The following NRXN3 variants were observed in gnomAD, a reference collection of about 807,000 sequenced individuals.
NRXN3 encodes neurexin III.
Under a neutral mutation model 137.6 loss-of-function variants are expected in NRXN3, and 32 were observed. The observed-to-expected ratio is 0.23, with a 90% CI of 0.18 to 0.31. The LOEUF is 0.31. Ranked by LOEUF, NRXN3 falls within the 10% of genes least tolerant of loss-of-function variation. The pLI is 1.00. For synonymous variants in NRXN3, 798 were observed against 784.5 expected (o/e 1.02, Z -0.29); for missense variants, 1,574 against 2,062.5 (o/e 0.76, Z 4.59).
intron 16 of NRXN3, among the ~76,000 whole-genome samples, chr14:79,602,823 T>A (rs927517654): frequency 6.6e-6 from 1 of 152,190 alleles, no homozygotes; most frequent in East Asian, 1.9e-4. Context: ...TTTATAATTC[T>A]GGAATGATTT....
intron 16 of NRXN3, among the ~76,000 whole-genome samples, chr14:79,624,640 G>GT (rs57687435): frequency 0.14 from 21,822 of 151,736 alleles, 2,118 homozygotes; most frequent in African/African-American, 0.27. Flanking sequence ...CTACATAATT[G>GT]TAACTTTGTA....
intron 15 of NRXN3, among the ~76,000 whole-genome samples, chr14:79,413,916 C>G (rs2095458343): frequency 7.0e-6 from 1 of 141,864 alleles, no homozygotes; most frequent in Non-Finnish European, 1.5e-5. Flanking sequence ...GCTTATGGCT[C>G]TTTTTGTGCC....
rs552176241 is a variant in NRXN3 at position 79,042,842 on chromosome 14, G to C, written c.3262+54701G>C. Among the ~76,000 whole-genome samples the C allele has an allele frequency of 1.1e-4, 16 of 152,148 alleles. No individual in the cohort carries two copies. In the South Asian group the frequency reaches 1.7e-3, roughly 16 times the overall value. The stretch of plus-strand genomic sequence containing the variant: ...TGGTATGGCCTGTCCTGCTGTCCTG[G>C]AAAGGGAGCAACTAGCACAAGAGAA... On this transcript the variant is annotated intron_variant, in intron 15 of 20. Transcript: ENST00000335750.
At chr14:79,692,097 C>CA in intron 17 of NRXN3, 76 bp from the exon 18 acceptor site, 6 of 1,161,952 alleles carry the variant, frequency 5.2e-6, no homozygotes, top group Non-Finnish European at 7.3e-6. Context: ...TAAAACAAAC[C>CA]AAAAAACCTA....
At position 79,450,581 on chromosome 14, in the gene NRXN3, A is replaced by AGG. The variant is rs2096151583; in HGVS notation, c.3263-16637_3263-16636dup. Among the ~76,000 whole-genome samples the AGG allele has an allele frequency of 3.2e-5, 3 of 94,928 alleles. No individual in the cohort carries two copies. In the South Asian group the frequency reaches 7.8e-4, roughly 25 times the overall value. 62.3% of individuals were successfully genotyped at this position (94,928 alleles called of 152,430 possible). ...TGATTTGTCAATTAAAAATAAGGCCAGGGGCGGTGGCTCACGTCTGTAATC... is the reference window on the plus strand; with the variant it reads ...TGATTTGTCAATTAAAAATAAGGCCAGGGGGGCGGTGGCTCACGTCTGTAATC... On this transcript the variant is annotated intron_variant, in intron 15 of 20. Transcript: ENST00000335750.
chr14:79,833,305 T>C (rs2099328634), intron 20 of NRXN3, among the ~76,000 whole-genome samples: 2 of 152,164 alleles, frequency 1.3e-5, no homozygotes, highest in African/African-American at 4.8e-5. Flanking sequence ...TGGTCTTTTA[T>C]ATTAACTCAG....
chr14:78,624,309 G>A (rs1347297743), intron 4 of NRXN3, among the ~76,000 whole-genome samples: 4 of 152,208 alleles, frequency 2.6e-5, no homozygotes, highest in Non-Finnish European at 5.9e-5. Flanking sequence ...ACATTGGATT[G>A]AGCAACAGCC....
intron 17 of NRXN3, among the ~76,000 whole-genome samples, chr14:79,689,922 G>T (rs1555632846): frequency 1.3e-5 from 2 of 152,102 alleles, no homozygotes; most frequent in African/African-American, 2.4e-5. Context: ...TTCTGATTTT[G>T]CCCTGCATTT....
At chr14:79,119,149 T>C (rs919741967) in intron 15 of NRXN3, among the ~76,000 whole-genome samples, 1 of 152,224 alleles carries the variant, frequency 6.6e-6, no homozygotes, top group Non-Finnish European at 1.5e-5. Context: ...TCATAACATT[T>C]CAAATACCTT....
chr14:79,753,381 T>C (rs2099005757), intron 19 of NRXN3, among the ~76,000 whole-genome samples: 1 of 151,944 alleles, frequency 6.6e-6, no homozygotes, highest in Non-Finnish European at 1.5e-5. Flanking sequence ...CATGGAATAC[T>C]ATGCAGCCAT....
chr14:78,741,332 C>T (rs2098570342), intron 8 of NRXN3, among the ~76,000 whole-genome samples: 1 of 152,168 alleles, frequency 6.6e-6, no homozygotes, highest in Admixed American at 6.5e-5. Context: ...ACGAAGTGGA[C>T]TCTTCAGCTC....
chr14:79,759,496 T>TA (rs945783492), intron 19 of NRXN3, among the ~76,000 whole-genome samples: 1 of 151,600 alleles, frequency 6.6e-6, no homozygotes, highest in Admixed American at 6.6e-5. Flanking sequence ...TTTGAGCAAT[T>TA]AAAAAAAGCT....
intron 15 of NRXN3, among the ~76,000 whole-genome samples, chr14:79,450,712 A>G (rs1410413261): frequency 2.0e-5 from 3 of 152,070 alleles, no homozygotes; most frequent in Non-Finnish European, 2.9e-5. Flanking sequence ...CTAAAATTAT[A>G]AAAGTTAGCT....
intron 4 of NRXN3, among the ~76,000 whole-genome samples, chr14:78,550,571 C>T (rs900426121): frequency 2.0e-5 from 3 of 151,842 alleles, no homozygotes; most frequent in South Asian, 4.2e-4. Flanking sequence ...GAATTTCAGG[C>T]AAGCACCAGT....
chr14:79,376,651 A>G (rs1016379006), intron 15 of NRXN3, among the ~76,000 whole-genome samples: 1 of 152,164 alleles, frequency 6.6e-6, no homozygotes, highest in South Asian at 2.1e-4. Flanking sequence ...TCTGTTTTCA[A>G]AACTATAAAG....
intron 16 of NRXN3, among the ~76,000 whole-genome samples, chr14:79,554,545 G>A (rs1170494150): frequency 1.3e-5 from 2 of 152,256 alleles, no homozygotes; most frequent in Non-Finnish European, 1.5e-5. Context: ...AGCCATCTGG[G>A]GAAATAGCCA....
chr14:79,161,786 C>T (rs911454034), intron 15 of NRXN3, among the ~76,000 whole-genome samples: 1 of 151,894 alleles, frequency 6.6e-6, no homozygotes, highest in African/African-American at 2.4e-5. Flanking sequence ...TGTCCGTCGT[C>T]CTGAACGGGT....
chr14:79,606,487 A>C (rs2098019468), intron 16 of NRXN3, among the ~76,000 whole-genome samples: 1 of 152,216 alleles, frequency 6.6e-6, no homozygotes. Flanking sequence ...GTGAGCATGC[A>C]AAAGTGGGAA....
At chr14:78,423,374 A>G (rs546781043) in intron 4 of NRXN3, among the ~76,000 whole-genome samples, 6 of 152,314 alleles carry the variant, frequency 3.9e-5, no homozygotes, top group African/African-American at 1.4e-4. Flanking sequence ...TTCACTTCTA[A>G]GGGGAAAAAA....
Sources: gnomAD v4.1 joint callset for allele counts (sites outside exome capture counted in the v4.1 genomes callset) on GRCh38, gnomAD v4.1.1 for gene constraint, MANE v1.5 for transcripts, NCBI Gene and HGNC (gene_info 2026-07-23, HGNC 2026-07-21) for gene names.